RSF1: variants seen among roughly 807,000 people sequenced by gnomAD.
RSF1 encodes HBV pX-associated protein 8.
Under a neutral mutation model 145.2 loss-of-function variants are expected in RSF1, and 13 were observed. The ratio of observed to expected loss-of-function variants is 0.09; its 90% confidence interval spans 0.06 to 0.14. The LOEUF (loss-of-function observed/expected upper bound fraction) is 0.14. Among genes scored for constraint, RSF1 ranks in the 10% least tolerant of loss-of-function variants. The probability of loss-of-function intolerance (pLI) is 1.00; values close to 1 mark genes in which losing one functional copy is unlikely to be tolerated. For synonymous variants in RSF1, 577 were observed against 592.6 expected, an observed-to-expected ratio of 0.97 and a Z score of 0.38; for missense variants, 1,517 against 1,718.2, an observed-to-expected ratio of 0.88 and a Z score of 2.07.
In RSF1 at chr11:77,756,366, A is replaced by G. The variant is rs555795097; in HGVS notation, c.279+8232T>C. Among the ~76,000 whole-genome samples the G allele has an allele frequency of 6.6e-5, 10 of 152,124 alleles. No homozygotes were observed. The East Asian group carries it at 1.7e-3, about 26-fold the overall frequency. On this transcript the variant is annotated intron_variant, in intron 2 of 15. Coordinates refer to ENST00000308488, the MANE Select transcript of RSF1 (RefSeq NM_016578.4). ...AGAGCAAAACTCTGTCTCAAAAAAAAAAAAAAAAAAGAAAAACTTTTCAAT... is the reference window on the plus strand; with the variant it reads ...AGAGCAAAACTCTGTCTCAAAAAAAGAAAAAAAAAAGAAAAACTTTTCAAT...
At chr11:77,766,243 C>T (rs1218776151) in intron 1 of RSF1, among the ~76,000 whole-genome samples, 2 of 152,134 alleles carry the variant, frequency 1.3e-5, no homozygotes, top group Non-Finnish European at 2.9e-5. Context: ...TAATCTGCAG[C>T]GTTCTCTAAC....
chr11:77,838,771 T>C, the RSF1 span, among the ~76,000 whole-genome samples: 8 of 151,860 alleles, frequency 5.3e-5, no homozygotes, highest in Non-Finnish European at 1.0e-4. Flanking sequence ...CGCCCACCAC[T>C]GCGCCCAGCT....
chr11:77,741,978 T>C (rs1166338595), intron 3 of RSF1, among the ~76,000 whole-genome samples: 1 of 152,242 alleles, frequency 6.6e-6, no homozygotes, highest in East Asian at 1.9e-4. Flanking sequence ...CTTAACATAA[T>C]GACCTCCAGG....
chr11:77,697,871 A>T (rs1960320820), intron 7 of RSF1, among the ~76,000 whole-genome samples: 1 of 152,140 alleles, frequency 6.6e-6, no homozygotes, highest in Non-Finnish European at 1.5e-5. Flanking sequence ...CTCTTTTGCC[A>T]TTAAAAAAAA....
intron 1 of RSF1, among the ~76,000 whole-genome samples, chr11:77,803,640 A>G (rs995380116): frequency 6.6e-6 from 1 of 151,680 alleles, no homozygotes; most frequent in Non-Finnish European, 1.5e-5. Context: ...TTAGCCGGGC[A>G]TGGTGGTGCG....
intron 1 of RSF1, among the ~76,000 whole-genome samples, chr11:77,803,982 G>T (rs774569805): frequency 2.0e-4 from 30 of 152,186 alleles, no homozygotes; most frequent in Non-Finnish European, 3.8e-4. Context: ...TTGGCAGGAG[G>T]ATCGCTTGAG....
At chr11:77,813,349 A>G (rs181588557) in intron 1 of RSF1, 9 of 923,910 alleles carry the variant, frequency 9.7e-6, no homozygotes, top group Non-Finnish European at 1.6e-5. Context: ...CTTTCACCTC[A>G]ACTCCCGGCT....
the RSF1 span, among the ~76,000 whole-genome samples, chr11:77,853,528 C>T: frequency 6.6e-6 from 1 of 152,144 alleles, no homozygotes; most frequent in South Asian, 2.1e-4. Context: ...TGGCCTCACA[C>T]CAGGCCCCTT....
the RSF1 span, chr11:77,866,450 A>T: frequency 0.75 from 113,303 of 152,008 alleles, 42,931 homozygotes; most frequent in African/African-American, 0.88. Context: ...AATAGTCTCA[A>T]GCTCCAATCC....
chr11:77,683,930 A>G, intron 10 of RSF1, 111 bp from the exon 11 acceptor site: 1 of 707,846 alleles, frequency 1.4e-6, no homozygotes, highest in Admixed American at 2.8e-5. Context: ...AAGGTCTGAA[A>G]AAGTTTGAGA....
chr11:77,809,799 T>A (rs969261017), intron 1 of RSF1, among the ~76,000 whole-genome samples: 1 of 152,242 alleles, frequency 6.6e-6, no homozygotes, highest in Non-Finnish European at 1.5e-5. Flanking sequence ...AAACTCCAAA[T>A]ACCAAAAGCA....
intron 1 of RSF1, among the ~76,000 whole-genome samples, chr11:77,792,986 G>A (rs1195171741): frequency 2.6e-5 from 4 of 152,116 alleles, no homozygotes; most frequent in Non-Finnish European, 5.9e-5. Flanking sequence ...AAATGAGGAA[G>A]AGAAAGGACT....
the RSF1 span, among the ~76,000 whole-genome samples, chr11:77,853,940 C>CA: frequency 3.3e-5 from 5 of 149,510 alleles, no homozygotes; most frequent in African/African-American, 1.2e-4. Context: ...GACTCCGTCT[C>CA]AAAAAAATAA....
chr11:77,813,622 G>C (rs117568957), intron 1 of RSF1: 2 of 616,752 alleles, frequency 3.2e-6, no homozygotes, highest in Non-Finnish European at 3.0e-6. Flanking sequence ...ATTCAATTTC[G>C]GTGAACTGCC....
At chr11:77,683,416 T>C (rs1454731042) in intron 11 of RSF1, among the ~76,000 whole-genome samples, 1 of 149,906 alleles carries the variant, frequency 6.7e-6, no homozygotes, top group Non-Finnish European at 1.5e-5. Context: ...TAAAATTATA[T>C]GACTAGGCCG....
chr11:77,698,700 T>C lies in RSF1; in HGVS notation c.2509-7A>G. ...CTTTGCCTTTGGGTTTTACCTTGTA[T>C]AAAATAAAAAAAATTGGGATAATTT... On this transcript the variant is annotated splice_region_variant and splice_polypyrimidine_tract_variant and intron_variant, in intron 6 of 15. Coordinates refer to ENST00000308488, the MANE Select transcript of RSF1 (RefSeq NM_016578.4). 1 of 1,610,112 alleles carries C rather than the reference T, an allele frequency of 6.2e-7. No individual in the cohort carries two copies. Among genetic ancestry groups the C allele is most frequent in the Non-Finnish European group, 8.5e-7 (1 of 1,177,384 alleles).
the RSF1 span, among the ~76,000 whole-genome samples, chr11:77,840,467 T>C: frequency 6.6e-6 from 1 of 152,286 alleles, no homozygotes; most frequent in Admixed American, 6.5e-5. Context: ...AGGTGGAGGT[T>C]GCAGTGAGCC....
chr11:77,831,277 G>T, the RSF1 span, among the ~76,000 whole-genome samples: 4 of 152,204 alleles, frequency 2.6e-5, no homozygotes, highest in African/African-American at 9.6e-5. Context: ...GATCTGCTAT[G>T]TAACAGTCTG....
chr11:77,716,656 G>T (rs906750634), intron 5 of RSF1, among the ~76,000 whole-genome samples: 1 of 152,026 alleles, frequency 6.6e-6, no homozygotes, highest in South Asian at 2.1e-4. Flanking sequence ...TTTCAGTTAC[G>T]AAGAGTAAGT....
Sources: allele counts gnomAD v4.1 joint callset (sites outside exome capture counted in the v4.1 genomes callset), GRCh38; gene constraint gnomAD v4.1.1; transcripts MANE v1.5; gene names NCBI Gene and HGNC (gene_info 2026-07-23, HGNC 2026-07-21).